The following RASSF3 variants were observed in gnomAD, a reference collection of about 807,000 sequenced individuals.
RASSF3 encodes ras association domain-containing protein 3.
Under a neutral mutation model 19.9 loss-of-function variants are expected in RASSF3, and 19 were observed. The observed-to-expected ratio is 0.96, with a 90% CI of 0.67 to 1.40. The LOEUF (loss-of-function observed/expected upper bound fraction) is 1.40, where lower values mean the gene tolerates loss of function less well. Among genes scored for constraint, RASSF3 ranks in the 40% most tolerant of loss-of-function variants. RASSF3 has a pLI of 0.00. For missense variants in RASSF3, 306 were observed against 289.8 expected (o/e 1.06, Z -0.41); for synonymous variants, 110 against 104.2 (o/e 1.06, Z -0.34).
intron 2 of RASSF3, among the ~76,000 whole-genome samples, chr12:64,593,826 A>G (rs1869959296): frequency 6.6e-6 from 1 of 151,996 alleles, no homozygotes; most frequent in African/African-American, 2.4e-5. Context: ...AGCCTGGCCA[A>G]CATGGTGAAA....
intron 1 of RASSF3, among the ~76,000 whole-genome samples, chr12:64,658,441 A>G (rs1158833774): frequency 2.0e-5 from 3 of 152,178 alleles, no homozygotes; most frequent in African/African-American, 7.2e-5. Context: ...AAATACAAAC[A>G]CAATGTTTTT....
intron 1 of RASSF3, among the ~76,000 whole-genome samples, chr12:64,676,514 C>T (rs12321771): frequency 0.049 from 6,764 of 139,458 alleles, 602 homozygotes; most frequent in African/African-American, 0.17. Context: ...CTCTGTCGCC[C>T]AGGCTTGAGT....
chr12:64,553,642 T>C (rs1869203360), intron 2 of RASSF3, among the ~76,000 whole-genome samples: 2 of 152,126 alleles, frequency 1.3e-5, no homozygotes, highest in Admixed American at 1.3e-4. Flanking sequence ...CCATCCAGCC[T>C]CTACGTAAGC....
intron 2 of RASSF3, among the ~76,000 whole-genome samples, chr12:64,589,964 T>C (rs1565844747): frequency 6.9e-6 from 1 of 144,600 alleles, no homozygotes; most frequent in Admixed American, 7.2e-5. Flanking sequence ...ATCATGCCCC[T>C]GTACTCCAGC....
chr12:64,605,009 A>G (rs113794866), intron 2 of RASSF3, among the ~76,000 whole-genome samples: 4 of 142,008 alleles, frequency 2.8e-5, no homozygotes, highest in African/African-American at 1.0e-4. Flanking sequence ...TTTTTTAGGC[A>G]GAGCCTTGCT....
intron 1 of RASSF3, chr12:64,622,376 G>A (rs757766330): frequency 2.2e-6 from 1 of 457,234 alleles, no homozygotes; most frequent in East Asian, 7.0e-5. Context: ...AACTTATTTT[G>A]TAAGTATACT....
In RASSF3 at chr12:64,548,107, A is replaced by G. The variant is rs117855574; in HGVS notation, c.294+6402A>G. Among the ~76,000 whole-genome samples the G allele has an allele frequency of 7.0e-4, 106 of 152,282 alleles. No homozygotes were observed. The East Asian group carries it at 0.019, about 27-fold the overall frequency. ...TATATTCTCTGAAAAAGTGAGCTCT[A>G]AGGTGTAATATTTATGAATCTTTCA... is the stretch of plus-strand genomic sequence containing the variant. On this transcript the variant is annotated intron_variant, in intron 2 of 5. Coordinates refer to the RASSF3 transcript ENST00000637125.
chr12:64,606,327 T>C (rs1321140878), upstream of RASSF3, among the ~76,000 whole-genome samples: 1 of 152,164 alleles, frequency 6.6e-6, no homozygotes, highest in Non-Finnish European at 1.5e-5. Flanking sequence ...AAAGTCCTTG[T>C]TTAGTTAACA....
At chr12:64,548,802 T>C (rs536515748) in intron 2 of RASSF3, among the ~76,000 whole-genome samples, 1 of 152,328 alleles carries the variant, frequency 6.6e-6, no homozygotes, top group African/African-American at 2.4e-5. Context: ...AATTCAATTT[T>C]AAAGGGCTTA....
At chr12:64,526,734 C>A (rs1387714401) in intron 1 of RASSF3, among the ~76,000 whole-genome samples, 1 of 152,074 alleles carries the variant, frequency 6.6e-6, no homozygotes, top group African/African-American at 2.4e-5. Context: ...TTCGTAGAGA[C>A]AGAGTCTCAC....
At chr12:64,546,301 C>T (rs57420731), downstream of RASSF3, among the ~76,000 whole-genome samples, 2 of 152,036 alleles carry the variant, frequency 1.3e-5, no homozygotes, top group South Asian at 4.1e-4. Flanking sequence ...GACGGAGTCT[C>T]GCTCTGTTGC....
At chr12:64,637,503 C>T (rs1298229444) in intron 1 of RASSF3, among the ~76,000 whole-genome samples, 1 of 147,946 alleles carries the variant, frequency 6.8e-6, no homozygotes, top group Non-Finnish European at 1.5e-5. Context: ...GATCTCGGCT[C>T]ACTGCAACCT....
intron 1 of RASSF3, among the ~76,000 whole-genome samples, chr12:64,537,576 T>A (rs1286384891): frequency 6.6e-6 from 1 of 152,176 alleles, no homozygotes; most frequent in Non-Finnish European, 1.5e-5. Flanking sequence ...CTCTCCCTCC[T>A]GAAGACTCAC....
In RASSF3 at chr12:64,642,443, T is replaced by G. The variant is rs1223689892; in HGVS notation, c.111+31700T>G. The stretch of plus-strand genomic sequence containing the variant: ...GGCATGGTGGCGGGTGCCTGTAGTC[T>G]CAGCTACTCAGGAGGCTGAGGCAGG... On this transcript the variant is annotated intron_variant, in intron 1 of 4. Transcript: ENST00000542104. Among the ~76,000 whole-genome samples, 15 of 150,436 alleles carry G rather than the reference T, an allele frequency of 1.0e-4. No homozygotes were observed. The Admixed American group carries it at 1.0e-3, about 10-fold the overall frequency.
At chr12:64,561,715 C>CTTTTTTTTTT (rs4046189) in intron 2 of RASSF3, among the ~76,000 whole-genome samples, 3 of 127,604 alleles carry the variant, frequency 2.4e-5, no homozygotes, top group East Asian at 2.3e-4. Flanking sequence ...TAGCATTTAT[C>CTTTTTTTTTT]TTTTTTTTTT....
At chr12:64,529,932 T>C (rs1868669646), upstream of RASSF3, among the ~76,000 whole-genome samples, 1 of 152,210 alleles carries the variant, frequency 6.6e-6, no homozygotes, top group South Asian at 2.1e-4. Flanking sequence ...ATTTTCTTGC[T>C]AGTACTATGC....
chr12:64,538,301 C>T (rs1868872360), intron 1 of RASSF3, among the ~76,000 whole-genome samples: 1 of 152,094 alleles, frequency 6.6e-6, no homozygotes, highest in South Asian at 2.1e-4. Flanking sequence ...CCTTAGTTTC[C>T]TCTTCCTGTA....
chr12:64,690,646 G>GA (rs965507419), intron 3 of RASSF3, among the ~76,000 whole-genome samples: 5 of 150,628 alleles, frequency 3.3e-5, no homozygotes, highest in Non-Finnish European at 5.9e-5. Context: ...TGGCTAGTTA[G>GA]AAAAAAAAAT....
In RASSF3 at chr12:64,610,529, C is replaced by T. The variant is rs1870306806; in HGVS notation, c.-104C>T. ...GCGGCCGCAGCTGCATAAGGACTGC[C>T]CGGGGCTGCGCGCCGGGAACCTCGC... On this transcript the variant is annotated 5_prime_UTR_variant, in exon 1 of 5. Transcript: ENST00000542104. 10 of 422,416 alleles carry T rather than the reference C, an allele frequency of 2.4e-5. No individual in the cohort carries two copies. The South Asian group carries it at 6.2e-4, about 26-fold the overall frequency. The allele number at this position is 422,416 out of a possible 1,614,324, so 26.2% of individuals were successfully genotyped here. A position where few individuals can be genotyped will look rare whatever the true frequency, so the allele number is the denominator to read the frequency against.
Sources: allele counts gnomAD v4.1 joint callset (sites outside exome capture counted in the v4.1 genomes callset), GRCh38; gene constraint gnomAD v4.1.1; transcripts MANE v1.5; gene names NCBI Gene and HGNC (gene_info 2026-07-23, HGNC 2026-07-21).